TMPRSS3: variants seen among roughly 807,000 people sequenced by gnomAD.
The protein encoded by TMPRSS3 is transmembrane protease serine 3.
A neutral mutation model predicts 59.6 loss-of-function variants in TMPRSS3; 55 were observed. The ratio of observed to expected loss-of-function variants is 0.92; its 90% confidence interval spans 0.74 to 1.16. The LOEUF (loss-of-function observed/expected upper bound fraction) is 1.16. Among genes scored for constraint, TMPRSS3 ranks in the 50% most tolerant of loss-of-function variants. The pLI is 0.00. For missense variants in TMPRSS3, 596 were observed against 579.4 expected (o/e 1.03, Z -0.29); for synonymous variants, 257 against 237.7 (o/e 1.08, Z -0.75).
At chr21:42,391,328 G>A (rs920512482) in intron 2 of TMPRSS3, among the ~76,000 whole-genome samples, 2 of 152,210 alleles carry the variant, frequency 1.3e-5, no homozygotes, top group Non-Finnish European at 2.9e-5. Context: ...TTACAAGCGT[G>A]AGCCACCATG....
chr21:42,375,504 C>T (rs2052409529), intron 12 of TMPRSS3, among the ~76,000 whole-genome samples: 1 of 152,076 alleles, frequency 6.6e-6, no homozygotes. Context: ...CCTCTGCCTG[C>T]CAGGCTGCAC....
chr21:42,383,142 G>C lies in TMPRSS3; in HGVS notation c.673C>G (p.Leu225Val), dbSNP rs2052563733. 1 of 1,614,070 alleles carries C rather than the reference G, an allele frequency of 6.2e-7. No individual in the cohort carries two copies. The highest frequency in any genetic ancestry group is 8.5e-7 in the Non-Finnish European group (1 of 1,180,048). The change falls in exon 8 of 13, where the codon CTC becomes GTC. Residue 225 changes from leucine to valine, a missense_variant. Leu to Val is a conservative substitution (Grantham distance 32). Transcript: ENST00000644384. ...SRIVGGNMSL[L>V]SQWPWQASLQ... is the part of the protein sequence containing the mutation. Reference sequence around the variant, plus strand: ...CTGGCCTGCCAGGGCCACTGCGAGAGCAAGGACATGTTTCCACCCACGATG... The same window carrying C: ...CTGGCCTGCCAGGGCCACTGCGAGACCAAGGACATGTTTCCACCCACGATG...
Position 42,373,303 on chromosome 21 carries a change from C to T in TMPRSS3, c.1345-524G>A, listed in dbSNP as rs370398876. 6.6e-5 allele frequency among the ~76,000 whole-genome samples: 10 copies of T among 152,324 alleles called. No homozygotes were observed. In the South Asian group the frequency reaches 1.2e-3, roughly 19 times the overall value. On this transcript the variant is annotated intron_variant, in intron 12 of 12. Transcript: ENST00000644384. ...AGTCTCTTCTGGGTCTCCCCTAGGA[C>T]GTCTGAAGAGGGACTTGGGAAAGGG...
At position 42,372,546 on chromosome 21, in the gene TMPRSS3, C is replaced by G. The variant is rs748659120; in HGVS notation, c.*216G>C. 4.4e-6 allele frequency: 3 copies of G among 681,792 alleles called. No individual in the cohort carries two copies. Among genetic ancestry groups the G allele is most frequent in the South Asian group, 1.5e-5 (1 of 66,964 alleles). The allele number at this position is 681,792 out of a possible 1,614,324, so 42.2% of individuals were successfully genotyped here. A position where few individuals can be genotyped will look rare whatever the true frequency, so the allele number is the denominator to read the frequency against. On this transcript the variant is annotated 3_prime_UTR_variant, in exon 13 of 13. Coordinates refer to ENST00000644384, the MANE Select transcript of TMPRSS3 (RefSeq NM_001256317.3). ...CTGCACTCCAGCCTGGGCAACAGAG[C>G]GAGACTCCATCTCAAAAAAACAAAA...
intron 2 of TMPRSS3, among the ~76,000 whole-genome samples, chr21:42,394,633 T>G (rs998247863): frequency 6.6e-6 from 1 of 152,120 alleles, no homozygotes; most frequent in African/African-American, 2.4e-5. Context: ...AAGAAATCAT[T>G]AGGGTGACCC....
rs1358710836 is a variant in TMPRSS3, at chr21:42,388,071, T to TA, written c.446+331_446+332insT. Among the ~76,000 whole-genome samples, 3 of 152,244 alleles carry TA rather than the reference T, an allele frequency of 2.0e-5. No individual in the cohort carries two copies. Among genetic ancestry groups the TA allele is most frequent in the African/African-American group, 7.2e-5 (3 of 41,476 alleles). ...GTGTCCAGGAAGCTACTCTAGGAGC[T>TA]GCAAGCTGAGGAGCTGGAGGGTTTT... On this transcript the variant is annotated intron_variant, in intron 5 of 12. Coordinates refer to ENST00000644384, the MANE Select transcript of TMPRSS3 (RefSeq NM_001256317.3). The surrounding 1 kb of genome is among the most constrained non-coding windows in gnomAD (Gnocchi z 5.1).
In TMPRSS3 at chr21:42,395,476, G is replaced by A. The variant is rs575713028; in HGVS notation, c.-51-8C>T. The stretch of plus-strand genomic sequence containing the variant: ...CGCCTCCACCTCTACCTCCTTAGCC[G>A]AGGAAGAACAGAAAGCATTTGTTCC... On this transcript the variant is annotated splice_polypyrimidine_tract_variant and splice_region_variant and intron_variant, in intron 1 of 12. Transcript: ENST00000644384. 3.3e-5 allele frequency: 46 copies of A among 1,411,870 alleles called. No homozygotes were observed. The highest frequency in any genetic ancestry group is 3.2e-4 in the South Asian group (28 of 86,208). 87.5% of individuals were successfully genotyped at this position (1,411,870 alleles called of 1,614,324 possible).
At chr21:42,377,406 C>T (rs4516534) in intron 10 of TMPRSS3, among the ~76,000 whole-genome samples, 12,904 of 152,212 alleles carry the variant, frequency 0.085, 815 homozygotes, top group East Asian at 0.32. Flanking sequence ...AGAGTGCAGA[C>T]GCTGGGAAAG....
At chr21:42,387,928 A>G (rs2052662723) in intron 5 of TMPRSS3, among the ~76,000 whole-genome samples, 1 of 152,228 alleles carries the variant, frequency 6.6e-6, no homozygotes, top group African/African-American at 2.4e-5. Flanking sequence ...ATGTTGCTAA[A>G]CAAGTGTTTT....
chr21:42,384,684 T>G (rs569303498), intron 6 of TMPRSS3, among the ~76,000 whole-genome samples: 1 of 152,334 alleles, frequency 6.6e-6, no homozygotes, highest in Admixed American at 6.5e-5. Context: ...AGACTGCAGG[T>G]GGGTCCCGGG....
At chr21:42,393,566 G>A (rs2052761599) in intron 2 of TMPRSS3, among the ~76,000 whole-genome samples, 1 of 152,074 alleles carries the variant, frequency 6.6e-6, no homozygotes. Flanking sequence ...CACAGGAAAC[G>A]GACCAAATTA....
chr21:42,388,645 T>C lies in TMPRSS3; in HGVS notation c.323-119A>G. Reference sequence around the variant, plus strand: ...TCTGCCAAATCTGACCCACTTCTTGTCCACGGCAGCCTCCCCATCACAGAG... The same window carrying C: ...TCTGCCAAATCTGACCCACTTCTTGCCCACGGCAGCCTCCCCATCACAGAG... On this transcript the variant is annotated intron_variant, in intron 4 of 12. Transcript: ENST00000644384. The surrounding 1 kb of genome is among the most constrained non-coding windows in gnomAD (Gnocchi z 5.1). 1 of 1,434,768 alleles carries C rather than the reference T, an allele frequency of 7.0e-7. No individual in the cohort carries two copies. The highest frequency in any genetic ancestry group is 1.2e-5 in the South Asian group (1 of 86,272). The allele number at this position is 1,434,768 out of a possible 1,614,324, so 88.9% of individuals were successfully genotyped here. A position where few individuals can be genotyped will look rare whatever the true frequency, so the allele number is the denominator to read the frequency against.
At chr21:42,375,502 T>A (rs1202752334) in intron 12 of TMPRSS3, among the ~76,000 whole-genome samples, 3 of 151,990 alleles carry the variant, frequency 2.0e-5, no homozygotes, top group African/African-American at 7.3e-5. Context: ...CTCCTCTGCC[T>A]GCCAGGCTGC....
chr21:42,380,305 C>A lies in TMPRSS3; in HGVS notation c.953-93G>T, dbSNP rs1182669243. The stretch of plus-strand genomic sequence containing the variant: ...TGCTTCTGCCTCTGAGGAGCCCAAA[C>A]TATCTCCCAAGGGAAGGAAGGTCAA... On this transcript the variant is annotated intron_variant, in intron 9 of 12. Transcript: ENST00000644384. 2.1e-5 allele frequency: 22 copies of A among 1,034,818 alleles called. No homozygotes were observed. The South Asian group carries it at 2.3e-4, about 11-fold the overall frequency. The allele number at this position is 1,034,818 out of a possible 1,614,324, so 64.1% of individuals were successfully genotyped here. A position where few individuals can be genotyped will look rare whatever the true frequency, so the allele number is the denominator to read the frequency against.
chr21:42,380,140 C>A lies in TMPRSS3; in HGVS notation c.1025G>T (p.Gly342Val). The A allele has an allele frequency of 6.2e-7, 1 of 1,614,192 alleles. No homozygotes were observed. Among genetic ancestry groups the A allele is most frequent in the Non-Finnish European group, 8.5e-7 (1 of 1,180,024 alleles). ...ACCTCCATCCTCTGTGGCCCCCCAT[C>A]CTGACGTCCAGCACACTTTTCCATC... is the stretch of plus-strand genomic sequence containing the variant. Reference protein sequence around the residue: ...FPDGKVCWTSGWGATEDGGDA... With the variant: ...FPDGKVCWTSVWGATEDGGDA... Residue 342 changes from glycine (G) to valine (V), a missense_variant, in exon 10 of 13, where the codon GGA (glycine) becomes GTA (valine). Gly to Val is a moderately radical substitution (Grantham distance 109). Coordinates refer to ENST00000644384, the MANE Select transcript of TMPRSS3 (RefSeq NM_001256317.3).
intron 8 of TMPRSS3, 82 bp downstream of exon 8, chr21:42,382,951 G>T: frequency 1.3e-6 from 2 of 1,562,452 alleles, no homozygotes; most frequent in South Asian, 1.1e-5. Context: ...CTCTGGACCC[G>T]CTTCTCACCA....
chr21:42,373,035 C>T (rs1404668922), intron 12 of TMPRSS3, among the ~76,000 whole-genome samples: 3 of 152,206 alleles, frequency 2.0e-5, no homozygotes. Flanking sequence ...AGGAAACTTC[C>T]AGGTCTCGGC....
intron 9 of TMPRSS3, among the ~76,000 whole-genome samples, chr21:42,381,631 G>A (rs2052530638): frequency 6.6e-6 from 1 of 152,176 alleles, no homozygotes; most frequent in Admixed American, 6.5e-5. Context: ...GGGAGAAGGT[G>A]GCACCAACAG....
chr21:42,390,334 A>G, intron 2 of TMPRSS3: 1 of 395,540 alleles, frequency 2.5e-6, no homozygotes, highest in East Asian at 5.8e-5. Context: ...TCAGAATGGC[A>G]TCTTATTTGG....
Sources: allele counts gnomAD v4.1 joint callset (sites outside exome capture counted in the v4.1 genomes callset), GRCh38; gene constraint gnomAD v4.1.1; non-coding constraint Gnocchi (gnomAD v3.1); transcripts MANE v1.5; gene names NCBI Gene and HGNC (gene_info 2026-07-23, HGNC 2026-07-21).